Variants in BMPR1A observed in about 807,000 individuals in gnomAD.
BMPR1A encodes the protein bone morphogenetic protein receptor type 1A, also known as bone morphogenetic protein receptor type-1A.
Under a neutral mutation model 66.0 loss-of-function variants are expected in BMPR1A, and 7 were observed. The ratio of observed to expected loss-of-function variants is 0.11; its 90% CI spans 0.06 to 0.20. The LOEUF (loss-of-function observed/expected upper bound fraction) is 0.20. BMPR1A is among the 10% of genes least tolerant of loss of function. The probability of loss-of-function intolerance (pLI) is 1.00; values close to 1 mark genes in which losing one functional copy is unlikely to be tolerated. For synonymous variants in BMPR1A, 200 were observed against 229.7 expected, an observed-to-expected ratio of 0.87 and a Z score of 1.17; for missense variants, 408 against 669.1, an observed-to-expected ratio of 0.61 and a Z score of 4.31.
chr10:86,890,004 C>A lies in BMPR1A; in HGVS notation c.68-58C>A, dbSNP rs541437799. 1.8e-5 allele frequency: 28 copies of A among 1,586,880 alleles called. No homozygotes were observed. The African/African-American group carries it at 3.6e-4, about 21-fold the overall frequency. ...ACAACTTTTTCTCATTGAAAATTGT[C>A]ACGAAACAATGAGCTTTTCAGAAAT... On this transcript the variant is annotated intron_variant, in intron 3 of 12. Coordinates refer to ENST00000372037, the MANE Select transcript of BMPR1A (RefSeq NM_004329.3).
At chr10:86,912,431 T>C (rs769233100) in intron 8 of BMPR1A, 47 bp downstream of exon 8, 13 of 1,602,510 alleles carry the variant, frequency 8.1e-6, no homozygotes, top group African/African-American at 1.3e-5. Flanking sequence ...TGATTTAGAA[T>C]GTGTCCTCAT....
chr10:86,821,634 T>C (rs1842121353), intron 1 of BMPR1A, among the ~76,000 whole-genome samples: 1 of 152,180 alleles, frequency 6.6e-6, no homozygotes, highest in Admixed American at 6.5e-5. Context: ...AAAAACTTTA[T>C]GCTATTGCCC....
rs922710749 is a variant in BMPR1A, at chr10:86,926,659, A to G, written c.*2940A>G. ...TAAAGAATATGATAGGCCAGCAAGA[A>G]GAAGTATTATGTAGTACCATAGTTA... is the stretch of plus-strand genomic sequence containing the variant. On this transcript the variant is annotated 3_prime_UTR_variant, in exon 13 of 13. Transcript: ENST00000372037. The G allele has an allele frequency of 1.1e-5, 2 of 183,702 alleles. No homozygotes were observed. The highest frequency in any genetic ancestry group is 4.7e-5 in the African/African-American group (2 of 42,618). The allele number at this position is 183,702 out of a possible 1,614,324, so 11.4% of individuals were successfully genotyped here. A position where few individuals can be genotyped will look rare whatever the true frequency, so the allele number is the denominator to read the frequency against.
At chr10:86,838,777 A>G (rs1446289292) in intron 1 of BMPR1A, 88 bp from the exon 2 acceptor site, 2 of 152,214 alleles carry the variant, frequency 1.3e-5, no homozygotes, top group Non-Finnish European at 2.9e-5. Flanking sequence ...ATAGTTGTAC[A>G]TGCGAAACGC....
At chr10:86,766,025 G>C (rs1212110260) in intron 1 of BMPR1A, among the ~76,000 whole-genome samples, 1 of 115,980 alleles carries the variant, frequency 8.6e-6, no homozygotes. Context: ...TTGTTCTGTT[G>C]CCCAGGCTGC....
intron 1 of BMPR1A, among the ~76,000 whole-genome samples, chr10:86,834,733 C>T: frequency 6.6e-6 from 1 of 152,166 alleles, no homozygotes; most frequent in Non-Finnish European, 1.5e-5. Context: ...TTATTTACAG[C>T]TAAAACCACA....
intron 1 of BMPR1A, among the ~76,000 whole-genome samples, chr10:86,805,484 C>T (rs1160780029): frequency 3.4e-5 from 3 of 88,738 alleles, no homozygotes; most frequent in Admixed American, 2.7e-4. Flanking sequence ...TTTTTTGAGA[C>T]GGAGTCTCGC....
intron 2 of BMPR1A, among the ~76,000 whole-genome samples, chr10:86,853,156 T>G (rs150461251): frequency 6.6e-6 from 1 of 152,130 alleles, no homozygotes; most frequent in Non-Finnish European, 1.5e-5. Flanking sequence ...TAGAAAATTA[T>G]AACAATGAAA....
At chr10:86,867,271 CCAGT>C (rs1842798702) in intron 2 of BMPR1A, among the ~76,000 whole-genome samples, 1 of 152,154 alleles carries the variant, frequency 6.6e-6, no homozygotes, top group African/African-American at 2.4e-5. Flanking sequence ...AGTTGCTGAA[CCAGT>C]AAGTATAGAT....
intron 1 of BMPR1A, among the ~76,000 whole-genome samples, chr10:86,793,760 C>G (rs1223168281): frequency 2.0e-5 from 3 of 152,124 alleles, no homozygotes. Flanking sequence ...TTATAGAGCA[C>G]AAATTTATTA....
intron 1 of BMPR1A, among the ~76,000 whole-genome samples, chr10:86,793,909 C>T (rs1841667368): frequency 6.6e-6 from 1 of 152,154 alleles, no homozygotes; most frequent in African/African-American, 2.4e-5. Flanking sequence ...AGGCTGGCTG[C>T]ATTCCTGGAT....
chr10:86,878,400 A>G (rs1249959675), intron 3 of BMPR1A, among the ~76,000 whole-genome samples: 1 of 152,236 alleles, frequency 6.6e-6, no homozygotes, highest in Non-Finnish European at 1.5e-5. Context: ...ATTTTTTAAG[A>G]CTTGGTCACA....
chr10:86,767,762 G>T (rs1589706109), intron 1 of BMPR1A, among the ~76,000 whole-genome samples: 1 of 135,648 alleles, frequency 7.4e-6, no homozygotes, highest in African/African-American at 3.7e-5. Flanking sequence ...CCTAAAACTA[G>T]ATCCTCCCCC....
chr10:86,824,081 T>TTGTGTGTGTGTGTG (rs71477609), intron 1 of BMPR1A, among the ~76,000 whole-genome samples: 1,702 of 94,094 alleles, frequency 0.018, 36 homozygotes, highest in African/African-American at 0.045. Context: ...TTACCAAGGG[T>TTGTGTGTGTGTGTG]TGTGTGTGTG....
intron 2 of BMPR1A, chr10:86,855,979 G>A: frequency 1.6e-6 from 1 of 623,556 alleles, no homozygotes; most frequent in South Asian, 1.6e-5. Flanking sequence ...TGGCCACTTT[G>A]CCCTTCCTTT....
chr10:86,839,220 A>G (rs1034000714), intron 2 of BMPR1A, among the ~76,000 whole-genome samples: 1 of 152,178 alleles, frequency 6.6e-6, no homozygotes, highest in Non-Finnish European at 1.5e-5. Context: ...TTTCTTACTA[A>G]TCACTTTCAT....
At chr10:86,800,105 G>A (rs1186299269) in intron 1 of BMPR1A, among the ~76,000 whole-genome samples, 1 of 152,170 alleles carries the variant, frequency 6.6e-6, no homozygotes, top group Admixed American at 6.5e-5. Flanking sequence ...GGCTTATAAT[G>A]TAATTTTTTA....
At chr10:86,790,947 A>C (rs1304176048) in intron 1 of BMPR1A, among the ~76,000 whole-genome samples, 1 of 152,230 alleles carries the variant, frequency 6.6e-6, no homozygotes, top group Admixed American at 6.5e-5. Flanking sequence ...TTTTAGTGTT[A>C]AGAAAATGAA....
At chr10:86,816,749 CA>C (rs1463713643) in intron 1 of BMPR1A, among the ~76,000 whole-genome samples, 5 of 152,174 alleles carry the variant, frequency 3.3e-5, no homozygotes, top group Non-Finnish European at 7.3e-5. Flanking sequence ...TCCGTATCTG[CA>C]CAAGCAGGAG....
Sources: gnomAD v4.1 joint callset for allele counts (sites outside exome capture counted in the v4.1 genomes callset) on GRCh38, gnomAD v4.1.1 for gene constraint, MANE v1.5 for transcripts, NCBI Gene and HGNC (gene_info 2026-07-23, HGNC 2026-07-21) for gene names.